Variants in LGR5 observed in about 807,000 individuals in gnomAD.
LGR5 encodes leucine-rich repeat-containing G protein-coupled receptor 5.
In LGR5, 54 loss-of-function variants were observed where a neutral mutation model predicts 76.7. The observed-to-expected ratio is 0.70, with a 90% confidence interval of 0.57 to 0.88. The LOEUF (loss-of-function observed/expected upper bound fraction) is 0.88, where lower values mean the gene tolerates loss of function less well. Ranked by LOEUF, LGR5 falls within the 40% of genes least tolerant of loss-of-function variation. The pLI is 0.00. For synonymous variants in LGR5, 406 were observed against 421.9 expected (o/e 0.96, Z 0.46); for missense variants, 1,078 against 1,073.3 (o/e 1.00, Z -0.06).
At chr12:71,478,598 T>C (rs1873443749) in intron 1 of LGR5, among the ~76,000 whole-genome samples, 1 of 152,196 alleles carries the variant, frequency 6.6e-6, no homozygotes, top group Non-Finnish European at 1.5e-5. Flanking sequence ...AGCTAGAAAA[T>C]TATTCCCATA....
At chr12:71,567,893 GC>G (rs1254288486) in intron 11 of LGR5, among the ~76,000 whole-genome samples, 1 of 151,994 alleles carries the variant, frequency 6.6e-6, no homozygotes, top group African/African-American at 2.4e-5. Flanking sequence ...AGATAAGAAA[GC>G]AGTATTAGAG....
At chr12:71,514,050 G>C (rs1875304657) in intron 2 of LGR5, among the ~76,000 whole-genome samples, 1 of 152,108 alleles carries the variant, frequency 6.6e-6, no homozygotes, top group Non-Finnish European at 1.5e-5. Context: ...GAGAGGCTGA[G>C]TTGGGAGGAT....
chr12:71,556,221 C>G (rs1877751214), intron 5 of LGR5, among the ~76,000 whole-genome samples: 2 of 152,080 alleles, frequency 1.3e-5, no homozygotes, highest in East Asian at 3.9e-4. Context: ...CTAATGGGTA[C>G]TAGGCTTAAT....
At chr12:71,561,909 C>T in intron 8 of LGR5, 57 bp downstream of exon 8, 2 of 980,924 alleles carry the variant, frequency 2.0e-6, no homozygotes, top group South Asian at 1.5e-5. Flanking sequence ...ATATATTATA[C>T]TTTGAAATAC....
intron 4 of LGR5, among the ~76,000 whole-genome samples, chr12:71,543,932 A>C (rs1877008930): frequency 6.6e-6 from 1 of 152,200 alleles, no homozygotes; most frequent in African/African-American, 2.4e-5. Flanking sequence ...TGATAGAAAA[A>C]GGGTCTTCGT....
chr12:71,514,517 C>A (rs7975792), intron 2 of LGR5, among the ~76,000 whole-genome samples: 2 of 150,082 alleles, frequency 1.3e-5, no homozygotes, highest in East Asian at 2.0e-4. Context: ...GCAGTGAGCC[C>A]AGATCGCGCC....
chr12:71,490,534 G>A (rs566524411), intron 1 of LGR5, among the ~76,000 whole-genome samples: 2 of 152,262 alleles, frequency 1.3e-5, no homozygotes, highest in South Asian at 2.1e-4. Flanking sequence ...TAGTCTGCTT[G>A]GGTCTGACTG....
intron 1 of LGR5, among the ~76,000 whole-genome samples, chr12:71,491,987 A>G (rs1374150894): frequency 6.6e-6 from 1 of 151,936 alleles, no homozygotes; most frequent in African/African-American, 2.4e-5. Context: ...TATTTGTTTT[A>G]TTAACTCCTC....
chr12:71,523,929 T>C (rs866270861), intron 2 of LGR5, among the ~76,000 whole-genome samples: 2 of 152,206 alleles, frequency 1.3e-5, no homozygotes, highest in Middle Eastern at 3.2e-3. Context: ...AAAAATTGAT[T>C]GTGATAGTCT....
chr12:71,555,814 C>A (rs1170975905), intron 5 of LGR5, among the ~76,000 whole-genome samples: 1 of 152,158 alleles, frequency 6.6e-6, no homozygotes, highest in South Asian at 2.1e-4. Context: ...CCCAGCAATC[C>A]CATTACTGGG....
chr12:71,584,184 A>G lies in LGR5; in HGVS notation c.2174A>G (p.Tyr725Cys). The change falls in exon 18 of 18, where the codon TAC becomes TGC. Residue 725 changes from tyrosine (Y) to cysteine (C), a missense_variant. Physicochemically the swap from Tyr to Cys is radical, Grantham distance 194 (BLOSUM62 -2). Coordinates refer to ENST00000266674, the MANE Select transcript of LGR5 (RefSeq NM_003667.4). ...LPFGEPSTMG[Y>C]MVALILLNSL... ...TTTGGGGAGCCCAGCACCATGGGCT[A>G]CATGGTCGCTCTCATCTTGCTCAAT... 3 of 1,614,032 alleles carry G rather than the reference A, an allele frequency of 1.9e-6. No homozygotes were observed. The highest frequency in any genetic ancestry group is 2.5e-6 in the Non-Finnish European group (3 of 1,179,904).
intron 1 of LGR5, among the ~76,000 whole-genome samples, chr12:71,476,322 T>C (rs1026940730): frequency 1.1e-4 from 16 of 152,240 alleles, no homozygotes; most frequent in African/African-American, 3.1e-4. Flanking sequence ...ATGTTCTTCA[T>C]AGGCATACAA....
chr12:71,462,722 G>A (rs538044504), intron 1 of LGR5, among the ~76,000 whole-genome samples: 15 of 152,202 alleles, frequency 9.9e-5, no homozygotes, highest in African/African-American at 3.6e-4. Context: ...TGGAAGCTTT[G>A]CACTCTGACT....
At chr12:71,543,325 G>T (rs1169576627) in intron 4 of LGR5, among the ~76,000 whole-genome samples, 1 of 152,152 alleles carries the variant, frequency 6.6e-6, no homozygotes, top group African/African-American at 2.4e-5. Flanking sequence ...TTTTAGAGTT[G>T]ATCTATCTGC....
intron 4 of LGR5, among the ~76,000 whole-genome samples, chr12:71,541,677 C>T (rs1326494838): frequency 6.6e-6 from 1 of 152,206 alleles, no homozygotes; most frequent in East Asian, 1.9e-4. Context: ...AGTTTTACTT[C>T]CATCATCATG....
chr12:71,476,604 G>A (rs1057326903), intron 1 of LGR5, among the ~76,000 whole-genome samples: 2 of 152,166 alleles, frequency 1.3e-5, no homozygotes, highest in African/African-American at 2.4e-5. Flanking sequence ...CTGGTGGATC[G>A]TTGATGGCAT....
At chr12:71,458,694 A>G (rs1185622246) in intron 1 of LGR5, among the ~76,000 whole-genome samples, 1 of 151,824 alleles carries the variant, frequency 6.6e-6, no homozygotes, top group East Asian at 1.9e-4. Flanking sequence ...TGTTCCTGCA[A>G]ATTTATTCGT....
chr12:71,548,304 T>TGA (rs1309922983), intron 4 of LGR5, among the ~76,000 whole-genome samples: 4 of 127,558 alleles, frequency 3.1e-5, no homozygotes, highest in Admixed American at 8.7e-5. Context: ...TGTTGCACTG[T>TGA]GTGTGTGTGT....
At position 71,584,739 on chromosome 12, in the gene LGR5, T is replaced by C. The variant is rs376755800; in HGVS notation, c.*5T>C. 7.5e-6 allele frequency: 12 copies of C among 1,604,050 alleles called. No homozygotes were observed. The highest frequency in any genetic ancestry group is 1.7e-4 in the Middle Eastern group (1 of 6,010). ...GCATTTGTCCCATGTCTCTAATTAA[T>C]ATGTGAAGGAAAATGTTTTCAAAGG... On this transcript the variant is annotated 3_prime_UTR_variant, in exon 18 of 18. Transcript: ENST00000266674.
Sources: gnomAD v4.1 joint callset for allele counts (sites outside exome capture counted in the v4.1 genomes callset) on GRCh38, gnomAD v4.1.1 for gene constraint, MANE v1.5 for transcripts, NCBI Gene and HGNC (gene_info 2026-07-23, HGNC 2026-07-21) for gene names.